Variants in ROBO1 observed in about 807,000 individuals in gnomAD.
ROBO1 encodes the protein roundabout homolog 1.
ROBO1 carries 149 observed loss-of-function variants against 195.9 expected under a neutral mutation model. The ratio of observed to expected loss-of-function variants is 0.76; its 90% confidence interval spans 0.67 to 0.87. ROBO1 has a LOEUF of 0.87. Ranked by LOEUF, ROBO1 falls within the 40% of genes least tolerant of loss-of-function variation. ROBO1 has a pLI of 0.00. For missense variants in ROBO1, 1,933 were observed against 2,068.3 expected, an observed-to-expected ratio of 0.93 and a Z score of 1.27; for synonymous variants, 816 against 733.2, an observed-to-expected ratio of 1.11 and a Z score of -1.82.
In ROBO1 at chr3:78,991,562, G is replaced by A. The variant is rs189717739; in HGVS notation, c.173-52635C>T. 3.9e-3 allele frequency among the ~76,000 whole-genome samples: 600 copies of A among 152,302 alleles called. 5 individuals are homozygous for A. The highest frequency in any genetic ancestry group is 0.014 in the African/African-American group (571 of 41,566). On this transcript the variant is annotated intron_variant, in intron 3 of 30. Coordinates refer to ENST00000464233, the MANE Select transcript of ROBO1 (RefSeq NM_002941.4). ...CCCAGTGAAACTGAACAAACTACCA[G>A]GTGAAACCTGGTATAATGCTCACTA... is the stretch of plus-strand genomic sequence containing the variant.
At chr3:79,332,950 C>T (rs2034506085) in intron 2 of ROBO1, among the ~76,000 whole-genome samples, 1 of 151,938 alleles carries the variant, frequency 6.6e-6, no homozygotes, top group Non-Finnish European at 1.5e-5. Flanking sequence ...GCCTGTAATC[C>T]CAGCACGTTG....
chr3:78,887,282 T>G (rs537625426), intron 4 of ROBO1, among the ~76,000 whole-genome samples: 57 of 152,288 alleles, frequency 3.7e-4, no homozygotes, highest in African/African-American at 1.2e-3. Context: ...CTTCTTAGTT[T>G]GGGACTCATC....
At chr3:78,885,429 A>AAC (rs1252973484) in intron 4 of ROBO1, among the ~76,000 whole-genome samples, 2 of 148,218 alleles carry the variant, frequency 1.3e-5, no homozygotes, top group African/African-American at 4.9e-5. Flanking sequence ...AAAAAAAAAA[A>AAC]AAAAAAAAAA....
At position 79,018,313 on chromosome 3, in the gene ROBO1, G is replaced by A. The variant is rs137880979; in HGVS notation, c.173-79386C>T. On this transcript the variant is annotated intron_variant, in intron 3 of 30. Coordinates refer to ENST00000464233, the MANE Select transcript of ROBO1 (RefSeq NM_002941.4). ...GAGCCCCTCCGGCCTTAGGAGGGAGGGGTAACCAAAATACACTTCTGGGTT... is the reference window on the plus strand; with the variant it reads ...GAGCCCCTCCGGCCTTAGGAGGGAGAGGTAACCAAAATACACTTCTGGGTT... 5,965 of 1,449,214 alleles carry A rather than the reference G, an allele frequency of 4.1e-3. 34 individuals carry two copies. The highest frequency in any genetic ancestry group is 4.1e-3 in the Non-Finnish European group (4,284 of 1,041,202). The allele number at this position is 1,449,214 out of a possible 1,614,324, so 89.8% of individuals were successfully genotyped here. A position where few individuals can be genotyped will look rare whatever the true frequency, so the allele number is the denominator to read the frequency against.
At chr3:79,163,618 C>G (rs997543929) in intron 2 of ROBO1, among the ~76,000 whole-genome samples, 1 of 152,048 alleles carries the variant, frequency 6.6e-6, no homozygotes, top group Non-Finnish European at 1.5e-5. Context: ...TTTTTTACAG[C>G]AGTTGTATCA....
chr3:79,674,931 T>C (rs574075295), intron 1 of ROBO1, among the ~76,000 whole-genome samples: 1 of 151,882 alleles, frequency 6.6e-6, no homozygotes, highest in Admixed American at 6.6e-5. Flanking sequence ...CTAGTAATTC[T>C]TACACACAGA....
intron 3 of ROBO1, among the ~76,000 whole-genome samples, chr3:79,066,056 C>T (rs1334295669): frequency 6.6e-6 from 1 of 151,914 alleles, no homozygotes; most frequent in East Asian, 1.9e-4. Context: ...CTTAATCAGT[C>T]CATTGAATCC....
intron 2 of ROBO1, among the ~76,000 whole-genome samples, chr3:79,544,089 T>C (rs1182591153): frequency 6.6e-6 from 1 of 152,062 alleles, no homozygotes; most frequent in Non-Finnish European, 1.5e-5. Flanking sequence ...GAGTTTTCAT[T>C]AGGCTTATCC....
intron 8 of ROBO1, among the ~76,000 whole-genome samples, chr3:78,700,890 A>T (rs1326639646): frequency 6.6e-6 from 1 of 151,554 alleles, no homozygotes; most frequent in East Asian, 2.0e-4. Context: ...CAGCCTCCTG[A>T]GTAGCTGGGA....
chr3:79,152,687 G>C (rs577367039), intron 2 of ROBO1, among the ~76,000 whole-genome samples: 2 of 151,790 alleles, frequency 1.3e-5, no homozygotes, highest in Admixed American at 1.3e-4. Context: ...CAAATGGGAG[G>C]AATCTGACAA....
At chr3:78,599,925 T>G in intron 30 of ROBO1, 188 bp downstream of exon 30, 1 of 637,896 alleles carries the variant, frequency 1.6e-6, no homozygotes, top group Non-Finnish European at 2.8e-6. Flanking sequence ...CATTAACATT[T>G]AAAACTTTGG....
At chr3:78,696,614 T>C (rs1179809046) in intron 8 of ROBO1, among the ~76,000 whole-genome samples, 1 of 149,862 alleles carries the variant, frequency 6.7e-6, no homozygotes, top group Admixed American at 6.7e-5. Context: ...AAATCATTAC[T>C]ACCAAAATCA....
At chr3:78,862,932 T>G (rs1012791116) in intron 4 of ROBO1, among the ~76,000 whole-genome samples, 15 of 152,168 alleles carry the variant, frequency 9.9e-5, no homozygotes, top group Non-Finnish European at 2.2e-4. Flanking sequence ...AGCTTAGAAA[T>G]ATCAAGGACC....
chr3:79,222,364 T>A (rs1337938453), intron 2 of ROBO1, among the ~76,000 whole-genome samples: 2 of 152,058 alleles, frequency 1.3e-5, no homozygotes, highest in Non-Finnish European at 2.9e-5. Flanking sequence ...ATTTCTTATA[T>A]TTTTGCCAAT....
rs748002775 is a variant in ROBO1 at position 78,714,354 on chromosome 3, T to C, written c.1045+43A>G. On this transcript the variant is annotated intron_variant, in intron 8 of 30. Coordinates refer to ENST00000464233, the MANE Select transcript of ROBO1 (RefSeq NM_002941.4). ...TTCTTCAATTATCAGCACTATATTT[T>C]GTATGCTAAAACCACCAAAACAAAG... 5 of 1,588,112 alleles carry C rather than the reference T, an allele frequency of 3.1e-6. No individual in the cohort carries two copies. In the African/African-American group the frequency reaches 6.8e-5, roughly 22 times the overall value.
chr3:79,258,886 T>A (rs960864312), intron 2 of ROBO1, among the ~76,000 whole-genome samples: 10 of 152,108 alleles, frequency 6.6e-5, no homozygotes, highest in African/African-American at 2.4e-4. Context: ...TGCCTAGAAA[T>A]CCATTTGAAA....
At chr3:79,279,319 A>G (rs142247828) in intron 2 of ROBO1, among the ~76,000 whole-genome samples, 70 of 152,206 alleles carry the variant, frequency 4.6e-4, no homozygotes, top group African/African-American at 1.6e-3. Context: ...AACAAAACAA[A>G]AGACAAATGA....
At chr3:79,232,837 T>A (rs1021035132) in intron 2 of ROBO1, among the ~76,000 whole-genome samples, 4 of 152,114 alleles carry the variant, frequency 2.6e-5, no homozygotes, top group African/African-American at 9.7e-5. Flanking sequence ...AAAAAGTTAC[T>A]TGAAGGTACA....
intron 2 of ROBO1, among the ~76,000 whole-genome samples, chr3:79,243,436 T>C (rs1402944969): frequency 6.6e-6 from 1 of 152,106 alleles, no homozygotes; most frequent in East Asian, 1.9e-4. Context: ...TTGAACTAGT[T>C]TACAGTCCCA....
Sources: gnomAD v4.1 joint callset for allele counts (sites outside exome capture counted in the v4.1 genomes callset) on GRCh38, gnomAD v4.1.1 for gene constraint, MANE v1.5 for transcripts, NCBI Gene and HGNC (gene_info 2026-07-23, HGNC 2026-07-21) for gene names.